The following KLHL32 variants were observed in gnomAD, a reference collection of about 807,000 sequenced individuals.
The protein encoded by KLHL32 is kelch-like protein 32.
KLHL32 carries 35 observed loss-of-function variants against 64.8 expected under a neutral mutation model. That is an observed-to-expected ratio of 0.54 (90% confidence interval 0.41 to 0.72). KLHL32 has a LOEUF of 0.72. KLHL32 is among the 30% of genes least tolerant of loss of function. The probability of loss-of-function intolerance (pLI) is 0.00; values close to 1 mark genes in which losing one functional copy is unlikely to be tolerated. For missense variants in KLHL32, 589 were observed against 768.5 expected, an observed-to-expected ratio of 0.77 and a Z score of 2.76; for synonymous variants, 259 against 281.0, an observed-to-expected ratio of 0.92 and a Z score of 0.78.
intron 10 of KLHL32, among the ~76,000 whole-genome samples, chr6:97,134,937 CTAAT>C (rs1469052757): frequency 1.3e-5 from 2 of 152,112 alleles, no homozygotes; most frequent in Admixed American, 1.3e-4. Flanking sequence ...ATCATATACA[CTAAT>C]TAATTGCTAA....
At chr6:96,901,616 T>C in the KLHL32 span, among the ~76,000 whole-genome samples, 1 of 152,214 alleles carries the variant, frequency 6.6e-6, no homozygotes, top group South Asian at 2.1e-4. Flanking sequence ...GGAAGGCTTA[T>C]TGTTTTGTTC....
In KLHL32 at chr6:97,073,536, T is replaced by C. The variant is rs1791098958; in HGVS notation, c.411+8810T>C. ...TAAAACATCTTTCTCCATCCTGGTA[T>C]ACAGAATCCAAGAAACAATTGGAAA... is the stretch of plus-strand genomic sequence containing the variant. On this transcript the variant is annotated intron_variant, in intron 5 of 10. Transcript: ENST00000369261. Among the ~76,000 whole-genome samples, 2 of 152,174 alleles carry C rather than the reference T, an allele frequency of 1.3e-5. 1 individual carries two copies. The highest frequency in any genetic ancestry group is 4.1e-4 in the South Asian group (2 of 4,832).
chr6:97,128,865 C>T (rs1056729925), intron 8 of KLHL32, among the ~76,000 whole-genome samples: 1 of 152,222 alleles, frequency 6.6e-6, no homozygotes, highest in Admixed American at 6.5e-5. Flanking sequence ...AACCAGATGG[C>T]GTCCATAGTC....
chr6:96,960,450 C>T (rs73758077), intron 1 of KLHL32, among the ~76,000 whole-genome samples: 3,460 of 152,304 alleles, frequency 0.023, 141 homozygotes, highest in African/African-American at 0.08. Flanking sequence ...TAACTAGGGG[C>T]TCCCACATGT....
intron 3 of KLHL32, among the ~76,000 whole-genome samples, chr6:97,014,712 A>G (rs1780902897): frequency 1.3e-5 from 2 of 152,170 alleles, no homozygotes; most frequent in African/African-American, 4.8e-5. Context: ...TAGGGAAGTA[A>G]AGTAACCCAG....
chr6:97,060,568 C>G (rs768263680), intron 4 of KLHL32, among the ~76,000 whole-genome samples: 1 of 152,124 alleles, frequency 6.6e-6, no homozygotes, highest in Non-Finnish European at 1.5e-5. Flanking sequence ...CCTCTTTCAC[C>G]GGATTCTGGC....
chr6:96,945,591 T>A (rs983746720), intron 1 of KLHL32, among the ~76,000 whole-genome samples: 6 of 152,014 alleles, frequency 3.9e-5, no homozygotes, highest in African/African-American at 1.4e-4. Flanking sequence ...TTAAAAAGGG[T>A]AGGAAAAAAA....
chr6:96,937,013 C>T (rs1409330165), intron 1 of KLHL32, among the ~76,000 whole-genome samples: 1 of 151,974 alleles, frequency 6.6e-6, no homozygotes, highest in Non-Finnish European at 1.5e-5. Context: ...ACTCTCAATT[C>T]ATCTTACCCT....
rs569586192 is a variant in KLHL32 at position 96,943,349 on chromosome 6, G to A, written c.-66+18323G>A. Reference sequence around the variant, plus strand: ...GGTGTCATTCACACAAGACCTGTGCGGTAATATGATATTTACTTCTATTTC... The same window carrying A: ...GGTGTCATTCACACAAGACCTGTGCAGTAATATGATATTTACTTCTATTTC... On this transcript the variant is annotated intron_variant, in intron 1 of 10. Transcript: ENST00000369261. Among the ~76,000 whole-genome samples, 46 of 151,028 alleles carry A rather than the reference G, an allele frequency of 3.0e-4. 1 individual carries two copies. The highest frequency in any genetic ancestry group is 5.7e-4 in the Non-Finnish European group (39 of 67,860).
intron 9 of KLHL32, 44 bp from the exon 10 acceptor site, chr6:97,132,609 A>G (rs755763297): frequency 6.2e-6 from 9 of 1,441,698 alleles, no homozygotes; most frequent in Non-Finnish European, 8.7e-6. Context: ...AAAATATGTA[A>G]GAAATGGATT....
Position 96,974,898 on chromosome 6 carries a change from C to T in KLHL32, c.24-1099C>T, listed in dbSNP as rs569779526. Among the ~76,000 whole-genome samples, 8 of 152,324 alleles carry T rather than the reference C, an allele frequency of 5.3e-5. No homozygotes were observed. In the East Asian group the frequency reaches 5.8e-4, roughly 11 times the overall value. ...GAGAGACACAGCTTAATCATCCCAACGGTATTTTTACTCAGCTTTGAGATG... is the reference window on the plus strand; with the variant it reads ...GAGAGACACAGCTTAATCATCCCAATGGTATTTTTACTCAGCTTTGAGATG... On this transcript the variant is annotated intron_variant, in intron 2 of 10. Coordinates refer to ENST00000369261, the MANE Select transcript of KLHL32 (RefSeq NM_052904.4).
chr6:96,939,083 T>A lies in KLHL32; in HGVS notation c.-66+14057T>A, dbSNP rs75451737. Among the ~76,000 whole-genome samples, 1,508 of 152,274 alleles carry A rather than the reference T, an allele frequency of 9.9e-3. 44 individuals are homozygous for A. Among genetic ancestry groups the A allele is most frequent in the African/African-American group, 0.035 (1,442 of 41,552 alleles). On this transcript the variant is annotated intron_variant, in intron 1 of 10. Coordinates refer to ENST00000369261, the MANE Select transcript of KLHL32 (RefSeq NM_052904.4). ...TCAGTCTCTAAAGCTAGCAAACAACTATGAGACATGGGCCACACCTTATTG... is the reference window on the plus strand; with the variant it reads ...TCAGTCTCTAAAGCTAGCAAACAACAATGAGACATGGGCCACACCTTATTG...
chr6:97,083,319 A>G (rs1230210625), intron 5 of KLHL32, among the ~76,000 whole-genome samples: 3 of 151,996 alleles, frequency 2.0e-5, no homozygotes, highest in African/African-American at 7.2e-5. Context: ...GAACTTGGGA[A>G]GCAGAGGTTG....
intron 7 of KLHL32, among the ~76,000 whole-genome samples, chr6:97,125,049 T>C (rs1798736358): frequency 6.6e-6 from 1 of 152,188 alleles, no homozygotes; most frequent in Admixed American, 6.5e-5. Flanking sequence ...AGAGAAGACT[T>C]TCTTTGAGGG....
At chr6:97,071,873 C>A (rs1790785942) in intron 5 of KLHL32, among the ~76,000 whole-genome samples, 1 of 152,208 alleles carries the variant, frequency 6.6e-6, no homozygotes, top group South Asian at 2.1e-4. Context: ...TAGTCTAATG[C>A]TAATCAACAC....
chr6:97,124,667 T>C (rs891947851), intron 7 of KLHL32, among the ~76,000 whole-genome samples: 10 of 152,204 alleles, frequency 6.6e-5, no homozygotes, highest in Admixed American at 6.5e-4. Flanking sequence ...AGAGAAACTT[T>C]TGAAGTCTTT....
intron 1 of KLHL32, among the ~76,000 whole-genome samples, chr6:96,959,955 G>A (rs1428106104): frequency 6.6e-6 from 1 of 152,130 alleles, no homozygotes; most frequent in Non-Finnish European, 1.5e-5. Flanking sequence ...TCCTAGAATA[G>A]TTCCCTTTTT....
intron 3 of KLHL32, among the ~76,000 whole-genome samples, chr6:96,992,981 A>T (rs1373402187): frequency 6.6e-6 from 1 of 152,172 alleles, no homozygotes; most frequent in Non-Finnish European, 1.5e-5. Flanking sequence ...GTAAGATGAA[A>T]ATTCACTGAC....
At chr6:97,074,937 G>T (rs1213650884) in intron 5 of KLHL32, among the ~76,000 whole-genome samples, 1 of 151,718 alleles carries the variant, frequency 6.6e-6, no homozygotes, top group African/African-American at 2.4e-5. Flanking sequence ...GCTGAGTCAG[G>T]TTTAGTGAAC....
Sources: allele counts gnomAD v4.1 joint callset (sites outside exome capture counted in the v4.1 genomes callset), GRCh38; gene constraint gnomAD v4.1.1; transcripts MANE v1.5; gene names NCBI Gene and HGNC (gene_info 2026-07-23, HGNC 2026-07-21).